Variants in ASPH observed in about 807,000 individuals in gnomAD.
ASPH encodes the protein aspartate beta-hydroxylase.
A neutral mutation model predicts 118.4 loss-of-function variants in ASPH; 100 were observed. The observed-to-expected ratio is 0.84, with a 90% confidence interval of 0.72 to 1.00. The LOEUF (loss-of-function observed/expected upper bound fraction) is 1.00. ASPH is among the 50% of genes least tolerant of loss of function. The pLI, the probability that ASPH is intolerant of heterozygous loss-of-function variation, is 0.00. For synonymous variants in ASPH, 315 were observed against 325.6 expected (o/e 0.97, Z 0.35); for missense variants, 920 against 919.5 (o/e 1.00, Z -0.01).
At chr8:61,645,101 C>G (rs753865219) in intron 6 of ASPH, among the ~76,000 whole-genome samples, 7 of 152,110 alleles carry the variant, frequency 4.6e-5, no homozygotes, top group Non-Finnish European at 7.3e-5. Context: ...ACCCATACAC[C>G]CCAGATAGCA....
At chr8:61,697,851 C>A (rs760474324) in intron 1 of ASPH, among the ~76,000 whole-genome samples, 7 of 152,178 alleles carry the variant, frequency 4.6e-5, no homozygotes, top group Non-Finnish European at 8.8e-5. Context: ...TGCAGTAGTG[C>A]AATCAGAGTT....
intron 11 of ASPH, 76 bp downstream of exon 11, chr8:61,638,246 T>G (rs1477862167): frequency 6.6e-7 from 1 of 1,518,764 alleles, no homozygotes; most frequent in African/African-American, 1.4e-5. Context: ...TGACTCTTTG[T>G]TCCACAGGTA....
intron 13 of ASPH, among the ~76,000 whole-genome samples, chr8:61,621,966 A>G (rs779819966): frequency 6.6e-6 from 1 of 152,210 alleles, no homozygotes; most frequent in Non-Finnish European, 1.5e-5. Context: ...AACAATAAAC[A>G]CCTTACTAAA....
At chr8:61,653,690 G>C in intron 3 of ASPH, 30 bp from the exon 4 acceptor site, 1 of 1,603,020 alleles carries the variant, frequency 6.2e-7, no homozygotes. Context: ...AAGTTAACTT[G>C]AGTTTTTGTG....
At chr8:61,571,844 T>C (rs969977502) in intron 16 of ASPH, among the ~76,000 whole-genome samples, 1 of 152,214 alleles carries the variant, frequency 6.6e-6, no homozygotes, top group Admixed American at 6.5e-5. Context: ...ATACTAGTGA[T>C]AAAAAACACT....
rs1830451528 is a variant in ASPH, at chr8:61,562,783, C to A, written c.1398G>T (p.Leu466Phe). Residue 466 changes from leucine (L) to phenylalanine (F), a missense_variant, in exon 18 of 25, where the codon TTG becomes TTT. Coordinates refer to ENST00000379454, the MANE Select transcript of ASPH (RefSeq NM_004318.4). ...LKNDLGVGYLLIGDNDNAKKV... is the reference protein window; with the variant it reads ...LKNDLGVGYLFIGDNDNAKKV... ...TCTTTGCATTGTCATTATCTCCTAT[C>A]AAGAGGTATCCCACGCCAAGGTCAT... The A allele has an allele frequency of 6.2e-7, 1 of 1,611,828 alleles. No individual in the cohort carries two copies. Among genetic ancestry groups the A allele is most frequent in the Non-Finnish European group, 8.5e-7 (1 of 1,179,204 alleles).
chr8:61,705,005 GCTTC>G (rs1449289987), intron 1 of ASPH, among the ~76,000 whole-genome samples: 2 of 152,054 alleles, frequency 1.3e-5, no homozygotes, highest in African/African-American at 2.4e-5. Context: ...GTCAAAAAAG[GCTTC>G]TATAATATTC....
chr8:61,551,343 G>A (rs753767870), intron 20 of ASPH, among the ~76,000 whole-genome samples: 1 of 152,192 alleles, frequency 6.6e-6, no homozygotes, highest in Non-Finnish European at 1.5e-5. Flanking sequence ...GCATAAAAAC[G>A]TGAAAGGTGT....
At chr8:61,541,492 C>T (rs1017487097) in intron 21 of ASPH, among the ~76,000 whole-genome samples, 3 of 152,172 alleles carry the variant, frequency 2.0e-5, no homozygotes, top group Non-Finnish European at 4.4e-5. Flanking sequence ...CACTTTAAGA[C>T]GTCAATACTT....
At chr8:61,618,912 G>T in intron 14 of ASPH, 66 bp downstream of exon 14, 1 of 1,362,078 alleles carries the variant, frequency 7.3e-7, no homozygotes, top group South Asian at 1.3e-5. Context: ...TTCTTGGATG[G>T]AACATAAAAT....
At chr8:61,555,892 G>A in intron 19 of ASPH, 32 bp downstream of exon 19, 5 of 1,583,202 alleles carry the variant, frequency 3.2e-6, no homozygotes, top group Non-Finnish European at 4.3e-6. Context: ...GGACTTGAAA[G>A]ATGAAAGGAG....
chr8:61,624,260 G>A (rs1346734750), intron 13 of ASPH: 8 of 985,348 alleles, frequency 8.1e-6, no homozygotes, highest in Non-Finnish European at 9.6e-6. Context: ...AGGCTGTCCA[G>A]GGAATAATCA....
intron 13 of ASPH, chr8:61,624,934 T>C: frequency 1.0e-6 from 1 of 985,262 alleles, no homozygotes; most frequent in Non-Finnish European, 1.2e-6. Flanking sequence ...CAGGTTTCAT[T>C]ACACATCGAG....
Position 61,526,113 on chromosome 8 carries a change from C to T in ASPH, c.1765-1G>A, listed in dbSNP as rs1441878768. On this transcript the variant is annotated splice_acceptor_variant, in intron 21 of 24. Transcript: ENST00000379454. LOFTEE classifies it high-confidence loss of function. The stretch of plus-strand genomic sequence containing the variant: ...TTAACTTCCAGTTTCTTTCTAAAGA[C>T]TAGAGGGAAGATTCTGGCTTTACTG... 1.2e-6 allele frequency: 2 copies of T among 1,613,804 alleles called. No individual in the cohort carries two copies. The highest frequency in any genetic ancestry group is 1.3e-5 in the African/African-American group (1 of 74,912).
chr8:61,567,102 C>T (rs1831968431), intron 17 of ASPH, 66 bp downstream of exon 17: 3 of 1,548,378 alleles, frequency 1.9e-6, no homozygotes, highest in African/African-American at 2.7e-5. Flanking sequence ...GAAGAATACA[C>T]TCTTCAGCTT....
chr8:61,650,341 A>G (rs1186857111), intron 5 of ASPH, among the ~76,000 whole-genome samples: 1 of 152,148 alleles, frequency 6.6e-6, no homozygotes, highest in Non-Finnish European at 1.5e-5. Flanking sequence ...TAAGAAACGT[A>G]ATTTTATTTT....
chr8:61,624,531 A>C, intron 13 of ASPH: 3 of 966,158 alleles, frequency 3.1e-6, no homozygotes, highest in Non-Finnish European at 3.7e-6. Context: ...AAATAATGAC[A>C]ATATAGAGAA....
At chr8:61,628,332 T>G in intron 13 of ASPH, 1 of 336,248 alleles carries the variant, frequency 3.0e-6, no homozygotes, top group Non-Finnish European at 5.6e-6. Flanking sequence ...GCTTTTTTTT[T>G]TTTTTTTTTT....
At chr8:61,558,717 T>C (rs1176803082) in intron 18 of ASPH, among the ~76,000 whole-genome samples, 1 of 152,200 alleles carries the variant, frequency 6.6e-6, no homozygotes, top group Admixed American at 6.5e-5. Flanking sequence ...GCAGTTTATA[T>C]GCGAATGTGT....
Sources: gnomAD v4.1 joint callset for allele counts (sites outside exome capture counted in the v4.1 genomes callset) on GRCh38, gnomAD v4.1.1 for gene constraint, MANE v1.5 for transcripts, NCBI Gene and HGNC (gene_info 2026-07-23, HGNC 2026-07-21) for gene names.